Variants in CAND1 observed in about 807,000 individuals in gnomAD.
CAND1 encodes the protein cullin associated and neddylation dissociated 1.
Under a neutral mutation model 108.5 loss-of-function variants are expected in CAND1, and 7 were observed. The ratio of observed to expected loss-of-function variants is 0.06; its 90% CI spans 0.04 to 0.12. The LOEUF is 0.12. Ranked by LOEUF, CAND1 falls within the 10% of genes least tolerant of loss-of-function variation. The pLI, the probability that CAND1 is intolerant of heterozygous loss-of-function variation, is 1.00. For synonymous variants in CAND1, 534 were observed against 512.0 expected, an observed-to-expected ratio of 1.04 and a Z score of -0.58; for missense variants, 941 against 1,448.7, an observed-to-expected ratio of 0.65 and a Z score of 5.69.
At chr12:67,291,723 A>T (rs150561785) in intron 2 of CAND1, among the ~76,000 whole-genome samples, 203 of 152,346 alleles carry the variant, frequency 1.3e-3, no homozygotes, top group African/African-American at 4.8e-3. Context: ...TTGACTGACC[A>T]GCACATGAGG....
Position 67,305,628 on chromosome 12 carries a change from A to C in CAND1, c.1960A>C (p.Ile654Leu). The change falls in exon 10 of 15, where the codon ATC (isoleucine) becomes CTC (leucine). Residue 654 changes from isoleucine (I) to leucine (L), a missense_variant. By Grantham distance (5) the Ile-to-Leu change is conservative. Coordinates refer to ENST00000545606, the MANE Select transcript of CAND1 (RefSeq NM_018448.5). The surrounding 1 kb of genome is among the most constrained non-coding windows in gnomAD (Gnocchi z 4.4). ...GCCTGTTCTGGGAGAAGGGGTTCCTATCCTTGCTTCATTTCTTAGAAAAAA... is the reference window on the plus strand; with the variant it reads ...GCCTGTTCTGGGAGAAGGGGTTCCTCTCCTTGCTTCATTTCTTAGAAAAAA... ...LRPVLGEGVP[I>L]LASFLRKNQR... 6 of 1,614,140 alleles carry C rather than the reference A, an allele frequency of 3.7e-6. No individual in the cohort carries two copies. The highest frequency in any genetic ancestry group is 5.1e-6 in the Non-Finnish European group (6 of 1,180,014).
At position 67,310,086 on chromosome 12, in the gene CAND1, CTG is replaced by C; in HGVS notation, c.3195+18_3195+19del. 6.2e-7 allele frequency: 1 copy of C among 1,609,942 alleles called. No individual in the cohort carries two copies. On this transcript the variant is annotated intron_variant, in intron 12 of 14. Transcript: ENST00000545606. Reference sequence around the variant, plus strand: ...TATAAGAGAGGTAAGTTAGATCACACTGTTTATTTGAGCTTGTCTTTGACTTA... The same window carrying C: ...TATAAGAGAGGTAAGTTAGATCACACTTTATTTGAGCTTGTCTTTGACTTA...
At chr12:67,282,347 AGTTAAAGGCCTAC>A (rs2044627710) in intron 2 of CAND1, among the ~76,000 whole-genome samples, 3 of 127,878 alleles carry the variant, frequency 2.3e-5, no homozygotes, top group Non-Finnish European at 4.7e-5. Flanking sequence ...TTTTTAGTTG[AGTTAAAGGCCTAC>A]TTTCCTCTAT....
chr12:67,308,765 G>A (rs2044916517), intron 11 of CAND1, among the ~76,000 whole-genome samples: 1 of 151,910 alleles, frequency 6.6e-6, no homozygotes, highest in Non-Finnish European at 1.5e-5. Context: ...AAAGGGGAGG[G>A]GAGATTAGTT....
At chr12:67,272,220 G>A (rs1201704167) in intron 1 of CAND1, among the ~76,000 whole-genome samples, 4 of 152,184 alleles carry the variant, frequency 2.6e-5, no homozygotes, top group Admixed American at 2.6e-4. Flanking sequence ...AAAATGAAGA[G>A]CAAATTTTAT....
chr12:67,304,210 G>A (rs575526520), intron 8 of CAND1, among the ~76,000 whole-genome samples: 21 of 152,030 alleles, frequency 1.4e-4, no homozygotes, highest in African/African-American at 5.1e-4. Flanking sequence ...GAATGGTCTC[G>A]ATTTCTTGAC....
In CAND1 at chr12:67,297,448, C is replaced by G; in HGVS notation, c.533C>G (p.Thr178Ser). The change falls in exon 5 of 15, where the codon ACC becomes AGC. Residue 178 changes from threonine (T) to serine (S), a missense_variant. Coordinates refer to ENST00000545606, the MANE Select transcript of CAND1 (RefSeq NM_018448.5). ...LLVNFHPSIL[T>S]CLLPQLTSPR... ...GTTAATTTCCATCCTTCAATTCTGA[C>G]CTGTCTACTTCCCCAGTTGACCAGC... The G allele has an allele frequency of 6.2e-7, 1 of 1,613,844 alleles. No homozygotes were observed. Among genetic ancestry groups the G allele is most frequent in the Non-Finnish European group, 8.5e-7 (1 of 1,179,830 alleles).
At chr12:67,269,893 T>A (rs1025897193) in intron 1 of CAND1, 108 bp downstream of exon 1, 1 of 875,222 alleles carries the variant, frequency 1.1e-6, no homozygotes, top group Non-Finnish European at 1.8e-6. Flanking sequence ...GTAGCTTCTC[T>A]GCCCCGAAGT....
Position 67,306,188 on chromosome 12 carries a change from T to C in CAND1, c.2520T>C (p.Leu840=). The C allele has an allele frequency of 6.2e-7, 1 of 1,614,158 alleles. No homozygotes were observed. Among genetic ancestry groups the C allele is most frequent in the South Asian group, 1.1e-5 (1 of 91,074 alleles). The change falls in exon 10 of 15, where the codon CTT becomes CTC. Residue 840 remains leucine, a synonymous_variant. Transcript: ENST00000545606. ...STDSIRLLAL[L]SLGEVGHHID... ...ATTCCATTCGTCTCTTAGCTCTACT[T>C]TCTCTTGGAGAAGTTGGGCATCATA...
chr12:67,293,256 T>C (rs2044738158), intron 3 of CAND1: 1 of 153,458 alleles, frequency 6.5e-6, no homozygotes, highest in Non-Finnish European at 1.4e-5. Flanking sequence ...AGCTACTTGG[T>C]AATTAAACAA....
rs1478355396 is a variant in CAND1, at chr12:67,302,359, G to A, written c.1037G>A (p.Ser346Asn). Residue 346 changes from serine to asparagine, a missense_variant, in exon 8 of 15, where the codon AGT (serine) becomes AAT (asparagine). Ser to Asn is a conservative substitution (Grantham distance 46, BLOSUM62 1). Transcript: ENST00000545606. ...GAATACAGTGATGATGATGACATGA[G>A]TTGGAAAGTGAGACGTGCAGCTGCG... ...DDEYSDDDDM[S>N]WKVRRAAAKC... The A allele has an allele frequency of 6.2e-7, 1 of 1,614,012 alleles. No homozygotes were observed. Among genetic ancestry groups the A allele is most frequent in the South Asian group, 1.1e-5 (1 of 91,082 alleles).
chr12:67,290,339 C>T (rs2576941), intron 2 of CAND1, among the ~76,000 whole-genome samples: 74,463 of 151,708 alleles, frequency 0.49, 19,572 homozygotes, highest in Non-Finnish European at 0.59. Flanking sequence ...GGTGAAACCC[C>T]GTCTCTACTA....
chr12:67,299,418 T>C (rs759384035), intron 7 of CAND1, among the ~76,000 whole-genome samples: 7 of 152,166 alleles, frequency 4.6e-5, no homozygotes, highest in Non-Finnish European at 8.8e-5. Flanking sequence ...TTACAACTAG[T>C]ACTATTACCA....
At position 67,304,593 on chromosome 12, in the gene CAND1, T is replaced by C; in HGVS notation, c.1294-12T>C. On this transcript the variant is annotated splice_polypyrimidine_tract_variant and intron_variant, in intron 8 of 14. Coordinates refer to ENST00000545606, the MANE Select transcript of CAND1 (RefSeq NM_018448.5). The stretch of plus-strand genomic sequence containing the variant: ...ACAGCTGAACCAGCTAATGACTATA[T>C]GATAATTGCAGGTTCCCAACATTGT... The C allele has an allele frequency of 4.3e-6, 7 of 1,612,854 alleles. No individual in the cohort carries two copies. The highest frequency in any genetic ancestry group is 5.9e-6 in the Non-Finnish European group (7 of 1,179,594).
chr12:67,306,497 A>G lies in CAND1; in HGVS notation c.2829A>G (p.Ala943=). 6.2e-7 allele frequency: 1 copy of G among 1,614,088 alleles called. No individual in the cohort carries two copies. Reference sequence around the variant, plus strand: ...TATTACTAAAGCACTGTGAGTGTGCAGAGGAAGGAACCAGAAATGTTGTTG... The same window carrying G: ...TATTACTAAAGCACTGTGAGTGTGCGGAGGAAGGAACCAGAAATGTTGTTG... ...WALLLKHCEC[A]EEGTRNVVAE... The change falls in exon 10 of 15, where the codon GCA becomes GCG. Residue 943 remains alanine (A), a synonymous_variant. Transcript: ENST00000545606.
rs2044623329 is a variant in CAND1 at position 67,281,890 on chromosome 12, A to G, written c.69-20A>G. The G allele has an allele frequency of 1.3e-6, 2 of 1,544,730 alleles. No individual in the cohort carries two copies. The highest frequency in any genetic ancestry group is 2.4e-5 in the South Asian group (2 of 81,650). On this transcript the variant is annotated intron_variant, in intron 1 of 14. Transcript: ENST00000545606. ...AATGCTTTAAAATTTTCAAATTAAC[A>G]AATTTTATTTTTTTGATAGGTTTAT...
chr12:67,282,113 ACT>A, intron 2 of CAND1, 60 bp downstream of exon 2: 4 of 1,538,206 alleles, frequency 2.6e-6, no homozygotes, highest in South Asian at 1.2e-5. Context: ...GTTTTTAAAA[ACT>A]CTATGATAAG....
At chr12:67,302,272 A>T (rs1143954) in intron 7 of CAND1, 51 bp from the exon 8 acceptor site, 914,285 of 1,481,412 alleles carry the variant, frequency 0.62, 288,142 homozygotes, top group Non-Finnish European at 0.65. Flanking sequence ...GTTTTAAATG[A>T]TATACTTCTC....
chr12:67,305,713 G>A lies in CAND1; in HGVS notation c.2045G>A (p.Ser682Asn), dbSNP rs1374053592. The stretch of plus-strand genomic sequence containing the variant: ...CTTGATATTCTAATAAAAAACTATA[G>A]TGACAGCTTGACAGCTGCCATGATT... ...SALDILIKNY[S>N]DSLTAAMIDA... Residue 682 changes from serine to asparagine, a missense_variant, in exon 10 of 15, where the codon AGT becomes AAT. By Grantham distance (46) the Ser-to-Asn change is conservative (BLOSUM62 1). Transcript: ENST00000545606. This position sits in a 1 kb window ranked among gnomAD's most constrained non-coding sequence, Gnocchi z 4.4. 1 of 1,614,140 alleles carries A rather than the reference G, an allele frequency of 6.2e-7. No individual in the cohort carries two copies. The highest frequency in any genetic ancestry group is 8.5e-7 in the Non-Finnish European group (1 of 1,180,006).
Sources: allele counts gnomAD v4.1 joint callset (sites outside exome capture counted in the v4.1 genomes callset), GRCh38; gene constraint gnomAD v4.1.1; non-coding constraint Gnocchi (gnomAD v3.1); transcripts MANE v1.5; gene names NCBI Gene and HGNC (gene_info 2026-07-23, HGNC 2026-07-21).